The following FGF13 variants were observed in gnomAD, a reference collection of about 807,000 sequenced individuals.
The protein encoded by FGF13 is fibroblast growth factor homologous factor 2.
Under a neutral mutation model 19.5 loss-of-function variants are expected in FGF13, and 2 were observed. The ratio of observed to expected loss-of-function variants is 0.10; its 90% CI spans 0.04 to 0.32. The LOEUF (loss-of-function observed/expected upper bound fraction) is 0.32, where lower values mean the gene tolerates loss of function less well. Ranked by LOEUF, FGF13 falls within the 10% of genes least tolerant of loss-of-function variation. FGF13 has a pLI of 1.00. For synonymous variants in FGF13, 72 were observed against 76.9 expected (o/e 0.94, Z 0.33); for missense variants, 113 against 192.7 (o/e 0.59, Z 2.45).
intron 1 of FGF13, among the ~76,000 whole-genome samples, chrX:139,187,221 G>T (rs2084289433): frequency 8.9e-6 from 1 of 112,900 alleles, no homozygotes; most frequent in African/African-American, 3.2e-5. Flanking sequence ...TCATGCAACT[G>T]CTGGAGACAA....
intron 1 of FGF13, among the ~76,000 whole-genome samples, chrX:139,180,560 T>C (rs534617357): frequency 1.8e-5 from 2 of 112,228 alleles, no homozygotes; most frequent in South Asian, 7.5e-4. Context: ...CATTCTAACA[T>C]ATAACATATA....
intron 1 of FGF13, among the ~76,000 whole-genome samples, chrX:139,180,362 G>A (rs1348842289): frequency 8.9e-6 from 1 of 111,912 alleles, no homozygotes; most frequent in Non-Finnish European, 1.9e-5. Context: ...GCATCATACT[G>A]GGCACTAAGC....
At chrX:138,924,515 T>A (rs1053990039) in intron 1 of FGF13, among the ~76,000 whole-genome samples, 2 of 112,042 alleles carry the variant, frequency 1.8e-5, no homozygotes, top group South Asian at 7.5e-4. Flanking sequence ...GACATATAGA[T>A]ATGCAAATAA....
At chrX:138,721,809 A>G (rs2090149410) in intron 1 of FGF13, among the ~76,000 whole-genome samples, 1 of 110,289 alleles carries the variant, frequency 9.1e-6, no homozygotes, top group African/African-American at 3.3e-5. Context: ...TATATATAAA[A>G]TATATATACA....
At chrX:139,134,268 A>G (rs769963044) in intron 1 of FGF13, among the ~76,000 whole-genome samples, 3 of 111,524 alleles carry the variant, frequency 2.7e-5, no homozygotes, top group Admixed American at 1.9e-4. Context: ...TAATCCTTTC[A>G]TCTGTTTCCT....
At chrX:138,841,768 G>A (rs185998559) in intron 3 of FGF13, among the ~76,000 whole-genome samples, 3 of 111,692 alleles carry the variant, frequency 2.7e-5, no homozygotes, top group Non-Finnish European at 5.7e-5. Context: ...ATTTTAATGA[G>A]TTTAGTTACT....
chrX:138,977,551 G>A (rs2091944703), intron 1 of FGF13, among the ~76,000 whole-genome samples: 1 of 112,371 alleles, frequency 8.9e-6, no homozygotes. Context: ...TAAGAAATTG[G>A]CCTTTGCACC....
intron 3 of FGF13, among the ~76,000 whole-genome samples, chrX:138,830,008 C>G (rs187558589): frequency 2.7e-5 from 3 of 112,609 alleles, no homozygotes; most frequent in South Asian, 3.7e-4. Flanking sequence ...CGTGAGCCAT[C>G]GCGCCTGGCT....
intron 1 of FGF13, among the ~76,000 whole-genome samples, chrX:138,969,561 C>G (rs1364846255): frequency 9.0e-6 from 1 of 111,574 alleles, no homozygotes; most frequent in African/African-American, 3.3e-5. Context: ...TGTGGGGTGT[C>G]ACATTTATGA....
intron 3 of FGF13, among the ~76,000 whole-genome samples, chrX:138,847,169 G>C (rs1464390394): frequency 8.9e-6 from 1 of 111,816 alleles, no homozygotes; most frequent in African/African-American, 3.3e-5. Flanking sequence ...AGAAGGCATG[G>C]CTTTTAGAAG....
chrX:139,157,372 T>A (rs770277613), intron 1 of FGF13, among the ~76,000 whole-genome samples: 2 of 112,107 alleles, frequency 1.8e-5, no homozygotes, highest in East Asian at 5.7e-4. Flanking sequence ...AGACCTCTGC[T>A]ATGGTTTAAA....
intron 1 of FGF13, among the ~76,000 whole-genome samples, chrX:138,731,514 C>T (rs1602757080): frequency 9.3e-6 from 1 of 107,286 alleles, no homozygotes; most frequent in Non-Finnish European, 1.9e-5. Context: ...TACAATATAT[C>T]AAAACAATGA....
intron 2 of FGF13, among the ~76,000 whole-genome samples, chrX:138,704,718 C>T (rs1476757592): frequency 2.7e-5 from 3 of 112,294 alleles, no homozygotes; most frequent in Non-Finnish European, 5.6e-5. Context: ...GTTCAAAAGA[C>T]AAGTGTTCCT....
intron 1 of FGF13, among the ~76,000 whole-genome samples, chrX:139,138,674 T>C (rs1310778686): frequency 9.0e-6 from 1 of 111,410 alleles, no homozygotes; most frequent in African/African-American, 3.3e-5. Context: ...CTCAGAATGC[T>C]TGGATGGGTT....
At chrX:138,803,900 GT>G (rs1443894437) in intron 3 of FGF13, among the ~76,000 whole-genome samples, 1 of 112,169 alleles carries the variant, frequency 8.9e-6, no homozygotes, top group Non-Finnish European at 1.9e-5. Flanking sequence ...ATTTCTTCCT[GT>G]GAAGCAGAGT....
intron 1 of FGF13, among the ~76,000 whole-genome samples, chrX:139,181,592 G>A (rs944522556): frequency 2.7e-4 from 30 of 112,487 alleles, no homozygotes; most frequent in African/African-American, 9.0e-4. Flanking sequence ...AGAGAAATCT[G>A]CCCAGCTATA....
Position 138,883,061 on chromosome X carries a change from T to C in FGF13, c.-112-18411A>G, listed in dbSNP as rs1176817967. On this transcript the variant is annotated intron_variant, in intron 1 of 2. Coordinates refer to the FGF13 transcript ENST00000421460. Reference sequence around the variant, plus strand: ...TAAAGAAGAAGCACAGACACATGGATCAAGCAAATTACAGTGTTGTCATCT... The same window carrying C: ...TAAAGAAGAAGCACAGACACATGGACCAAGCAAATTACAGTGTTGTCATCT... 3.6e-5 allele frequency among the ~76,000 whole-genome samples: 4 copies of C among 111,975 alleles called. No homozygotes were observed. In the Admixed American group the frequency reaches 3.8e-4, roughly 11 times the overall value.
At chrX:138,796,019 T>A (rs1377525855) in intron 3 of FGF13, among the ~76,000 whole-genome samples, 1 of 111,277 alleles carries the variant, frequency 9.0e-6, no homozygotes, top group Non-Finnish European at 1.9e-5. Flanking sequence ...GATGACACAT[T>A]CTTCTTGAAT....
chrX:139,147,612 G>A (rs1346642727), intron 1 of FGF13, among the ~76,000 whole-genome samples: 1 of 111,793 alleles, frequency 8.9e-6, no homozygotes, highest in Non-Finnish European at 1.9e-5. Flanking sequence ...GAAAACAACA[G>A]GAATGCATTC....
Sources: allele counts gnomAD v4.1 joint callset (sites outside exome capture counted in the v4.1 genomes callset), GRCh38; gene constraint gnomAD v4.1.1; transcripts MANE v1.5; gene names NCBI Gene and HGNC (gene_info 2026-07-23, HGNC 2026-07-21).